Variants in RPH3A observed in about 807,000 individuals in gnomAD.
RPH3A encodes rabphilin 3A.
In RPH3A, 48 loss-of-function variants were observed where a neutral mutation model predicts 102.2. That is an observed-to-expected ratio of 0.47 (90% CI 0.37 to 0.60). The LOEUF (loss-of-function observed/expected upper bound fraction) is 0.60. Ranked by LOEUF, RPH3A falls within the 20% of genes least tolerant of loss-of-function variation. The pLI is 0.00. For missense variants in RPH3A, 781 were observed against 910.1 expected, an observed-to-expected ratio of 0.86 and a Z score of 1.83; for synonymous variants, 310 against 324.3, an observed-to-expected ratio of 0.96 and a Z score of 0.47.
chr12:112,852,397 G>A (rs1854979465), intron 5 of RPH3A, among the ~76,000 whole-genome samples: 1 of 152,120 alleles, frequency 6.6e-6, no homozygotes, highest in Non-Finnish European at 1.5e-5. Context: ...ATTATTGGTG[G>A]CTATCTTTAT....
chr12:112,630,814 T>C (rs1304397129), intron 1 of RPH3A, among the ~76,000 whole-genome samples: 3 of 152,130 alleles, frequency 2.0e-5, no homozygotes, highest in South Asian at 4.2e-4. Context: ...TGTGGTGGAA[T>C]AAGACAGGTA....
At chr12:112,734,239 T>C (rs997967201) in intron 1 of RPH3A, among the ~76,000 whole-genome samples, 1 of 152,216 alleles carries the variant, frequency 6.6e-6, no homozygotes, top group Non-Finnish European at 1.5e-5. Context: ...TGTGTTACAA[T>C]TGCCTACAGT....
At position 112,890,871 on chromosome 12, in the gene RPH3A, T is replaced by C. The variant is rs1017249869; in HGVS notation, c.1643T>C (p.Ile548Thr). 6.2e-7 allele frequency: 1 copy of C among 1,613,796 alleles called. No individual in the cohort carries two copies. Among genetic ancestry groups the C allele is most frequent in the Admixed American group, 1.7e-5 (1 of 59,968 alleles). The change falls in exon 19 of 22, where the codon ATC becomes ACC. Residue 548 changes from isoleucine to threonine, a missense_variant. Physicochemically the swap from Ile to Thr is moderately conservative, Grantham distance 89. Around this residue, in one of 2 missense-constraint regions of RPH3A, gnomAD observed 730 missense variants for 810.0 expected, o/e 0.90. Transcript: ENST00000389385. ...EEEQVERVGDIEERGKILVSL... is the reference protein window; with the variant it reads ...EEEQVERVGDTEERGKILVSL... ...CAGCAGGTGGAGCGTGTTGGTGACA[T>C]CGAGGAGCGTGGCAAGATCCTGGTC...
At chr12:112,622,429 G>A (rs1279082387) in intron 1 of RPH3A, among the ~76,000 whole-genome samples, 10 of 75,328 alleles carry the variant, frequency 1.3e-4, no homozygotes, top group East Asian at 3.8e-4. Flanking sequence ...CTCAGGAGCC[G>A]ATGCGATCAA....
At chr12:112,853,595 G>A (rs527280521) in intron 5 of RPH3A, among the ~76,000 whole-genome samples, 2 of 152,132 alleles carry the variant, frequency 1.3e-5, no homozygotes, top group South Asian at 2.1e-4. Flanking sequence ...TTGGGAGGCC[G>A]AGGCGGGTGG....
intron 1 of RPH3A, among the ~76,000 whole-genome samples, chr12:112,677,438 C>T (rs997676067): frequency 5.9e-5 from 7 of 119,114 alleles, no homozygotes; most frequent in Non-Finnish European, 1.0e-4. Flanking sequence ...TCCTTCCTTC[C>T]TTCCTTCCTT....
At chr12:112,691,905 G>A (rs2040309601) in intron 1 of RPH3A, among the ~76,000 whole-genome samples, 1 of 152,124 alleles carries the variant, frequency 6.6e-6, no homozygotes, top group Non-Finnish European at 1.5e-5. Context: ...GTGGGGGCAA[G>A]GTACACTGTC....
intron 2 of RPH3A, among the ~76,000 whole-genome samples, chr12:112,809,988 G>C (rs764467562): frequency 1.8e-4 from 28 of 152,154 alleles, no homozygotes; most frequent in Non-Finnish European, 3.7e-4. Context: ...TTGGCATTCA[G>C]TTTTCTATGG....
At chr12:112,694,635 C>CAT (rs1176875449) in intron 1 of RPH3A, among the ~76,000 whole-genome samples, 28 of 107,426 alleles carry the variant, frequency 2.6e-4, no homozygotes, top group African/African-American at 9.3e-5. Flanking sequence ...CACACGCACG[C>CAT]GCGCGCGCGC....
At chr12:112,798,795 A>G (rs1346803366) in intron 2 of RPH3A, among the ~76,000 whole-genome samples, 1 of 143,814 alleles carries the variant, frequency 7.0e-6, no homozygotes, top group Admixed American at 6.7e-5. Context: ...CCCTTAAATA[A>G]TTCCCTGCTT....
chr12:112,677,511 G>C (rs1467636661), intron 1 of RPH3A, among the ~76,000 whole-genome samples: 3 of 140,168 alleles, frequency 2.1e-5, no homozygotes, highest in Non-Finnish European at 4.6e-5. Context: ...TAGAGTTAGG[G>C]TCTTGCTCTG....
intron 17 of RPH3A, among the ~76,000 whole-genome samples, chr12:112,889,761 C>T (rs1007367029): frequency 2.0e-5 from 3 of 152,208 alleles, no homozygotes; most frequent in Non-Finnish European, 4.4e-5. Flanking sequence ...CTTAACTACT[C>T]GGACCCTCAG....
intron 1 of RPH3A, among the ~76,000 whole-genome samples, chr12:112,726,733 A>AT (rs1427605627): frequency 6.6e-6 from 1 of 152,112 alleles, no homozygotes; most frequent in African/African-American, 2.4e-5. Context: ...ATATAAAGGC[A>AT]TTTTTCTGGC....
chr12:112,667,694 GAGA>G (rs2136007196), intron 1 of RPH3A, among the ~76,000 whole-genome samples: 1 of 150,102 alleles, frequency 6.7e-6, no homozygotes, highest in Non-Finnish European at 1.5e-5. Context: ...GAGAGAGAGA[GAGA>G]GAGAGAGAGA....
chr12:112,745,279 T>C (rs1157252677), intron 1 of RPH3A, among the ~76,000 whole-genome samples: 1 of 152,262 alleles, frequency 6.6e-6, no homozygotes, highest in Non-Finnish European at 1.5e-5. Context: ...GTCTTATTCC[T>C]GGTGAAGTTG....
At chr12:112,858,016 C>T (rs775847570) in intron 5 of RPH3A, among the ~76,000 whole-genome samples, 1 of 152,034 alleles carries the variant, frequency 6.6e-6, no homozygotes, top group Non-Finnish European at 1.5e-5. Flanking sequence ...TACCTGTAAT[C>T]CCAGCACTTT....
chr12:112,687,323 C>T (rs998392283), intron 1 of RPH3A, among the ~76,000 whole-genome samples: 2 of 152,154 alleles, frequency 1.3e-5, no homozygotes, highest in East Asian at 1.9e-4. Flanking sequence ...TATTTACCTT[C>T]GTGCTTGTCC....
intron 1 of RPH3A, among the ~76,000 whole-genome samples, chr12:112,672,890 T>G (rs1465691570): frequency 6.6e-6 from 1 of 152,134 alleles, no homozygotes; most frequent in African/African-American, 2.4e-5. Flanking sequence ...CGGTTGCCTG[T>G]GCATCAGGTC....
At chr12:112,576,414 T>C (rs553406839) in intron 1 of RPH3A, among the ~76,000 whole-genome samples, 1 of 152,334 alleles carries the variant, frequency 6.6e-6, no homozygotes, top group South Asian at 2.1e-4. Flanking sequence ...AGATGGGGTT[T>C]CACCATGTTG....
Sources: allele counts gnomAD v4.1 joint callset (sites outside exome capture counted in the v4.1 genomes callset), GRCh38; gene constraint gnomAD v4.1.1; regional missense constraint gnomAD v4.1.1; transcripts MANE v1.5; gene names NCBI Gene and HGNC (gene_info 2026-07-23, HGNC 2026-07-21).